The following LUZP2 variants were observed in gnomAD, a reference collection of about 807,000 sequenced individuals.
LUZP2 encodes the protein leucine zipper protein 2.
A neutral mutation model predicts 51.6 loss-of-function variants in LUZP2; 52 were observed. The observed-to-expected ratio is 1.01, with a 90% CI of 0.81 to 1.27. The LOEUF is 1.27. Among genes scored for constraint, LUZP2 ranks in the 50% most tolerant of loss-of-function variants. LUZP2 has a pLI of 0.00. For missense variants in LUZP2, 436 were observed against 395.4 expected, an observed-to-expected ratio of 1.10 and a Z score of -0.87; for synonymous variants, 154 against 137.3, an observed-to-expected ratio of 1.12 and a Z score of -0.85.
intron 5 of LUZP2, chr11:24,892,258 GT>G (rs2133760273): frequency 1.0e-6 from 1 of 985,414 alleles, no homozygotes; most frequent in African/African-American, 1.7e-5. Flanking sequence ...TGATGTGGCT[GT>G]GAACTGGACC....
At chr11:24,885,355 T>G (rs1249639179) in intron 5 of LUZP2, among the ~76,000 whole-genome samples, 1 of 152,120 alleles carries the variant, frequency 6.6e-6, no homozygotes, top group Non-Finnish European at 1.5e-5. Flanking sequence ...ATATACATGC[T>G]TTACTTATTT....
intron 5 of LUZP2, among the ~76,000 whole-genome samples, chr11:24,811,720 A>C (rs1850029212): frequency 6.6e-6 from 1 of 152,116 alleles, no homozygotes; most frequent in Non-Finnish European, 1.5e-5. Flanking sequence ...TTCAGTATGC[A>C]GCCTTCCAAG....
chr11:24,867,003 C>G lies in LUZP2; in HGVS notation c.397-38988C>G, dbSNP rs575295769. ...TCTTAAAAGCTGTTTCCCAGGAAAG[C>G]AGGACACTGATAAAAGCTGAGTAAT... On this transcript the variant is annotated intron_variant, in intron 5 of 11. Coordinates refer to ENST00000336930, the MANE Select transcript of LUZP2 (RefSeq NM_001009909.4). 2.6e-5 allele frequency among the ~76,000 whole-genome samples: 4 copies of G among 152,218 alleles called. No individual in the cohort carries two copies. The South Asian group carries it at 6.2e-4, about 24-fold the overall frequency.
At chr11:24,968,071 A>G (rs575189256) in intron 7 of LUZP2, among the ~76,000 whole-genome samples, 1 of 152,298 alleles carries the variant, frequency 6.6e-6, no homozygotes, top group East Asian at 1.9e-4. Context: ...GCCTATTGCC[A>G]GTACTTAAAA....
chr11:24,783,910 C>CTGT (rs1256793630), intron 5 of LUZP2, among the ~76,000 whole-genome samples: 2 of 151,806 alleles, frequency 1.3e-5, no homozygotes, highest in Non-Finnish European at 2.9e-5. Context: ...ACCTTTGTTG[C>CTGT]TGTTGCTGTT....
chr11:25,002,103 T>C (rs7944111), intron 9 of LUZP2, among the ~76,000 whole-genome samples: 59,176 of 152,180 alleles, frequency 0.39, 13,808 homozygotes, highest in East Asian at 0.69. Flanking sequence ...TAAGCATACT[T>C]TCTATCTGTA....
chr11:24,650,979 A>G (rs1410525611), intron 1 of LUZP2, among the ~76,000 whole-genome samples: 2 of 152,142 alleles, frequency 1.3e-5, no homozygotes, highest in African/African-American at 4.8e-5. Context: ...CAGGTACTTA[A>G]TAACTGTTAG....
chr11:24,822,046 A>G (rs1271849591), intron 5 of LUZP2, among the ~76,000 whole-genome samples: 2 of 151,034 alleles, frequency 1.3e-5, no homozygotes, highest in East Asian at 1.9e-4. Flanking sequence ...TGGCCTTTGA[A>G]TAATTGGGTT....
At chr11:24,567,315 A>G (rs899646038) in intron 1 of LUZP2, among the ~76,000 whole-genome samples, 1 of 152,232 alleles carries the variant, frequency 6.6e-6, no homozygotes, top group South Asian at 2.1e-4. Flanking sequence ...AAAAAAGCAT[A>G]GAGAAAAATA....
intron 7 of LUZP2, among the ~76,000 whole-genome samples, chr11:24,929,015 G>T (rs903109727): frequency 6.6e-6 from 1 of 151,946 alleles, no homozygotes; most frequent in Non-Finnish European, 1.5e-5. Context: ...GTTTATGCAT[G>T]TAAAGGTGTT....
At chr11:24,513,268 C>G (rs773933444) in intron 1 of LUZP2, among the ~76,000 whole-genome samples, 1 of 152,232 alleles carries the variant, frequency 6.6e-6, no homozygotes, top group East Asian at 1.9e-4. Context: ...GTCCCCCTTG[C>G]CTGTTTTTGG....
chr11:24,599,055 G>C (rs74980850), intron 1 of LUZP2, among the ~76,000 whole-genome samples: 4,026 of 152,134 alleles, frequency 0.026, 184 homozygotes, highest in African/African-American at 0.092. Context: ...AAATTTCCCT[G>C]GTGCTGTACT....
intron 1 of LUZP2, among the ~76,000 whole-genome samples, chr11:24,548,992 C>A (rs768392956): frequency 1.3e-5 from 2 of 151,918 alleles, no homozygotes; most frequent in Admixed American, 1.3e-4. Context: ...TGTATACTTA[C>A]CCTATGTTAA....
At chr11:24,914,066 G>A (rs1208722549) in intron 6 of LUZP2, among the ~76,000 whole-genome samples, 3 of 151,976 alleles carry the variant, frequency 2.0e-5, no homozygotes, top group African/African-American at 7.2e-5. Context: ...CTGGACATAT[G>A]TCAAATTCAA....
At chr11:24,644,485 CCT>C (rs1329385370) in intron 1 of LUZP2, among the ~76,000 whole-genome samples, 2 of 152,000 alleles carry the variant, frequency 1.3e-5, no homozygotes, top group Admixed American at 6.6e-5. Flanking sequence ...TCCTTTCCAA[CCT>C]CTCTTTTTTT....
chr11:24,973,328 C>T (rs57379478), intron 7 of LUZP2, among the ~76,000 whole-genome samples: 54,252 of 135,620 alleles, frequency 0.4, 12,052 homozygotes, highest in East Asian at 0.72. Context: ...CTCTTTTCTT[C>T]TTTATTAGTC....
rs189625086 is a variant in LUZP2 at position 24,976,662 on chromosome 11, C to T, written c.594C>T (p.Asp198=). ...ATGAACTGGAGAAAGCAGCTCTTGA[C>T]AGGGTAAGTCTACATTCATGAACCA... ...AKNELEKAAL[D]RESQMKAMKE... Residue 198 remains aspartate (D), a synonymous_variant, in exon 8 of 12, where the codon GAC becomes GAT. Coordinates refer to ENST00000336930, the MANE Select transcript of LUZP2 (RefSeq NM_001009909.4). The T allele has an allele frequency of 3.3e-5, 49 of 1,504,778 alleles. No individual in the cohort carries two copies. In the Admixed American group the frequency reaches 5.5e-4, roughly 17 times the overall value. The allele number at this position is 1,504,778 out of a possible 1,614,324, so 93.2% of individuals were successfully genotyped here.
chr11:24,615,270 A>T (rs1333820248), intron 1 of LUZP2, among the ~76,000 whole-genome samples: 1 of 151,660 alleles, frequency 6.6e-6, no homozygotes, highest in Non-Finnish European at 1.5e-5. Flanking sequence ...CATCACAGTG[A>T]TCCTTTTTGC....
chr11:25,069,730 A>G (rs1859101290), intron 10 of LUZP2, among the ~76,000 whole-genome samples: 1 of 151,946 alleles, frequency 6.6e-6, no homozygotes. Context: ...CTTATATCAT[A>G]TAGCTGGCAA....
Sources: gnomAD v4.1 joint callset for allele counts (sites outside exome capture counted in the v4.1 genomes callset) on GRCh38, gnomAD v4.1.1 for gene constraint, MANE v1.5 for transcripts, NCBI Gene and HGNC (gene_info 2026-07-23, HGNC 2026-07-21) for gene names.